The following OLA1 variants were observed in gnomAD, a reference collection of about 807,000 sequenced individuals.
The protein encoded by OLA1 is Obg like ATPase 1.
Under a neutral mutation model 48.4 loss-of-function variants are expected in OLA1, and 14 were observed. The ratio of observed to expected loss-of-function variants is 0.29; its 90% CI spans 0.19 to 0.45. The LOEUF is 0.45. Ranked by LOEUF, OLA1 falls within the 20% of genes least tolerant of loss-of-function variation. OLA1 has a pLI of 1.00. For synonymous variants in OLA1, 127 were observed against 150.4 expected (o/e 0.84, Z 1.14); for missense variants, 325 against 467.1 (o/e 0.70, Z 2.80).
chr2:174,130,849 T>A (rs1686164438), intron 5 of OLA1, among the ~76,000 whole-genome samples: 1 of 152,170 alleles, frequency 6.6e-6, no homozygotes, highest in Non-Finnish European at 1.5e-5. Context: ...TAGGAGCAGA[T>A]GAACTGACTT....
chr2:174,111,096 T>C (rs1270133461), intron 7 of OLA1, among the ~76,000 whole-genome samples: 1 of 152,222 alleles, frequency 6.6e-6, no homozygotes, highest in Non-Finnish European at 1.5e-5. Flanking sequence ...TCATTTAATA[T>C]ATGTAACATA....
chr2:174,090,404 G>A (rs900700022), intron 7 of OLA1, among the ~76,000 whole-genome samples: 1 of 152,166 alleles, frequency 6.6e-6, no homozygotes, highest in Non-Finnish European at 1.5e-5. Context: ...TGAATAAACA[G>A]GTGGAAAGAA....
At chr2:174,199,399 G>T (rs913737176) in intron 4 of OLA1, among the ~76,000 whole-genome samples, 1 of 152,276 alleles carries the variant, frequency 6.6e-6, no homozygotes, top group East Asian at 1.9e-4. Context: ...CTCAAACACA[G>T]CCAATGCTCC....
intron 4 of OLA1, among the ~76,000 whole-genome samples, chr2:174,205,044 C>T (rs1688077522): frequency 6.6e-6 from 1 of 152,158 alleles, no homozygotes; most frequent in African/African-American, 2.4e-5. Context: ...ATATCTAAAA[C>T]GGTGTTAAAG....
chr2:174,073,980 T>TA lies in OLA1; in HGVS notation c.*1445dup, dbSNP rs1003240423. On this transcript the variant is annotated 3_prime_UTR_variant, in exon 11 of 11. Coordinates refer to ENST00000284719, the MANE Select transcript of OLA1 (RefSeq NM_013341.5). Reference sequence around the variant, plus strand: ...GCAAAAGAAGATCACTATTTGATACTAAAAAAATACTCACTGGAGAGCTTC... The same window carrying TA: ...GCAAAAGAAGATCACTATTTGATACTAAAAAAAATACTCACTGGAGAGCTTC... The TA allele has an allele frequency of 1.1e-4, 16 of 152,162 alleles. No homozygotes were observed. Among genetic ancestry groups the TA allele is most frequent in the Middle Eastern group, 6.3e-3 (2 of 316 alleles). 9.4% of individuals were successfully genotyped at this position (152,162 alleles called of 1,614,324 possible).
At chr2:174,083,844 C>T (rs893359156) in intron 7 of OLA1, among the ~76,000 whole-genome samples, 1 of 152,104 alleles carries the variant, frequency 6.6e-6, no homozygotes, top group South Asian at 2.1e-4. Context: ...AAATATCATA[C>T]ACACTTTATT....
intron 7 of OLA1, among the ~76,000 whole-genome samples, chr2:174,093,251 A>G (rs1685167971): frequency 6.6e-6 from 1 of 152,222 alleles, no homozygotes; most frequent in Admixed American, 6.5e-5. Context: ...ATTCAAGAAT[A>G]GCCTGAGCAA....
intron 3 of OLA1, 76 bp from the exon 4 acceptor site, chr2:174,223,236 T>C: frequency 7.3e-7 from 1 of 1,368,166 alleles, no homozygotes; most frequent in East Asian, 2.3e-5. Flanking sequence ...TCTCCAAACA[T>C]TTCACATAAA....
intron 7 of OLA1, among the ~76,000 whole-genome samples, chr2:174,120,277 G>A (rs1365550028): frequency 6.6e-6 from 1 of 151,998 alleles, no homozygotes; most frequent in Non-Finnish European, 1.5e-5. Flanking sequence ...TTGACACCAT[G>A]ACTCAGTAAG....
intron 4 of OLA1, among the ~76,000 whole-genome samples, chr2:174,179,494 A>G (rs1687485630): frequency 6.6e-6 from 1 of 152,024 alleles, no homozygotes; most frequent in Non-Finnish European, 1.5e-5. Flanking sequence ...AAAACTCTTC[A>G]ATATCAACAG....
rs1325762473 is a variant in OLA1, at chr2:174,072,503, T to C, written c.*2923A>G. 1 of 152,190 alleles carries C rather than the reference T, an allele frequency of 6.6e-6. No individual in the cohort carries two copies. Among genetic ancestry groups the C allele is most frequent in the African/African-American group, 2.4e-5 (1 of 41,438 alleles). The allele number at this position is 152,190 out of a possible 1,614,324, so 9.4% of individuals were successfully genotyped here. ...GTGTATTTTACAAGCTTAAAATAAG[T>C]TGAAATGAATTTTCCCAGCTAAAGT... On this transcript the variant is annotated 3_prime_UTR_variant, in exon 11 of 11. Coordinates refer to ENST00000284719, the MANE Select transcript of OLA1 (RefSeq NM_013341.5).
At chr2:174,145,251 C>A (rs958150260) in intron 4 of OLA1, among the ~76,000 whole-genome samples, 4 of 151,882 alleles carry the variant, frequency 2.6e-5, no homozygotes, top group African/African-American at 9.7e-5. Context: ...CAGCAATATA[C>A]TCAAAACATT....
chr2:174,247,012 G>T (rs968958394), intron 1 of OLA1, 197 bp from the exon 2 acceptor site: 2 of 369,446 alleles, frequency 5.4e-6, no homozygotes, highest in Non-Finnish European at 9.8e-6. Context: ...AAACATATCC[G>T]TTGTCAAAAG....
chr2:174,172,647 GA>G, intron 4 of OLA1: 2 of 159,232 alleles, frequency 1.3e-5, no homozygotes, highest in East Asian at 1.8e-4. Flanking sequence ...AGAGGATAGG[GA>G]AAAATCAAGG....
In OLA1 at chr2:174,224,933, C is replaced by T. The variant is rs541547065; in HGVS notation, c.246-1773G>A. ...TGTGTTAAGGGCAACTAAATTCATC[C>T]TAAATGATATTTCTAACAACTAAAA... On this transcript the variant is annotated intron_variant, in intron 3 of 10. Coordinates refer to ENST00000284719, the MANE Select transcript of OLA1 (RefSeq NM_013341.5). 6.6e-5 allele frequency among the ~76,000 whole-genome samples: 10 copies of T among 152,262 alleles called. No homozygotes were observed. In the South Asian group the frequency reaches 2.1e-3, roughly 32 times the overall value.
chr2:174,161,155 C>T (rs1687001931), intron 4 of OLA1, among the ~76,000 whole-genome samples: 1 of 152,072 alleles, frequency 6.6e-6, no homozygotes, highest in Non-Finnish European at 1.5e-5. Context: ...AAGAATGCAT[C>T]CAACTATATC....
intron 5 of OLA1, among the ~76,000 whole-genome samples, chr2:174,128,131 G>A (rs748375679): frequency 1.3e-5 from 2 of 151,942 alleles, no homozygotes; most frequent in Admixed American, 6.6e-5. Context: ...GGTGGCTCAT[G>A]CTTGTAATCC....
intron 4 of OLA1, among the ~76,000 whole-genome samples, chr2:174,160,647 G>A (rs1276721717): frequency 6.6e-6 from 1 of 152,118 alleles, no homozygotes; most frequent in East Asian, 1.9e-4. Context: ...TTGACTTCTC[G>A]AGACAGCATT....
chr2:174,133,506 A>G (rs1010561592), intron 5 of OLA1, among the ~76,000 whole-genome samples: 4 of 152,160 alleles, frequency 2.6e-5, no homozygotes, highest in Non-Finnish European at 5.9e-5. Context: ...GATTACAGGC[A>G]TGTGCCAGAA....
Sources: allele counts gnomAD v4.1 joint callset (sites outside exome capture counted in the v4.1 genomes callset), GRCh38; gene constraint gnomAD v4.1.1; transcripts MANE v1.5; gene names NCBI Gene and HGNC (gene_info 2026-07-23, HGNC 2026-07-21).